Variants in PCBP2 observed in about 807,000 individuals in gnomAD.
PCBP2 encodes the protein poly(rC) binding protein 2, also known as poly(rC)-binding protein 2.
Under a neutral mutation model 50.1 loss-of-function variants are expected in PCBP2, and 4 were observed. The observed-to-expected ratio is 0.08, with a 90% CI of 0.04 to 0.18. The LOEUF is 0.18. PCBP2 is among the 10% of genes least tolerant of loss of function. The pLI, the probability that PCBP2 is intolerant of heterozygous loss-of-function variation, is 1.00. For synonymous variants in PCBP2, 179 were observed against 168.0 expected, an observed-to-expected ratio of 1.07 and a Z score of -0.51; for missense variants, 161 against 474.3, an observed-to-expected ratio of 0.34 and a Z score of 6.14.
intron 14 of PCBP2, among the ~76,000 whole-genome samples, chr12:53,478,815 G>A (rs115667373): frequency 0.012 from 1,893 of 152,048 alleles, 29 homozygotes; most frequent in African/African-American, 0.043. Flanking sequence ...CAATAAATAA[G>A]TAAATCTGAG....
chr12:53,472,143 T>C (rs1037956697), intron 14 of PCBP2, among the ~76,000 whole-genome samples: 8 of 152,116 alleles, frequency 5.3e-5, no homozygotes, highest in African/African-American at 1.9e-4. Context: ...ACATAGCATA[T>C]AGACTACTAT....
chr12:53,464,398 T>C (rs784566), intron 8 of PCBP2: 131,030 of 200,390 alleles, frequency 0.65, 43,513 homozygotes, highest in Non-Finnish European at 0.69. Context: ...TGTCATGGAT[T>C]GTTCCCACAG....
In PCBP2 at chr12:53,467,265, C is replaced by T; in HGVS notation, c.759C>T (p.Pro253=). The change falls in exon 11 of 15, where the codon CCC becomes CCT. Residue 253 remains proline, a synonymous_variant. Coordinates refer to ENST00000546463, the MANE Select transcript of PCBP2 (RefSeq NM_031989.5). ...HQLAMQQSHF[P]MTHGNTGFSG... ...TGGCAATGCAACAGTCTCATTTTCC[C>T]ATGACGCATGGCAACACCGGATTCA... 2 of 1,614,060 alleles carry T rather than the reference C, an allele frequency of 1.2e-6. No individual in the cohort carries two copies. Among genetic ancestry groups the T allele is most frequent in the East Asian group, 4.5e-5 (2 of 44,888 alleles).
At position 53,462,516 on chromosome 12, in the gene PCBP2, C is replaced by T; in HGVS notation, c.528C>T (p.Ile176=). The T allele has an allele frequency of 1.2e-6, 2 of 1,613,332 alleles. No homozygotes were observed. The highest frequency in any genetic ancestry group is 1.1e-5 in the South Asian group (1 of 91,012). ...MLESPPKGVT[I]PYRPKPSSSP... Reference sequence around the variant, plus strand: ...AGTCCCCCCCGAAGGGCGTGACCATCCCGTACCGGCCCAAGCCGTCCAGCT... The same window carrying T: ...AGTCCCCCCCGAAGGGCGTGACCATTCCGTACCGGCCCAAGCCGTCCAGCT... The change falls in exon 8 of 15, where the codon ATC becomes ATT. Residue 176 remains isoleucine (I), a synonymous_variant. Coordinates refer to ENST00000546463, the MANE Select transcript of PCBP2 (RefSeq NM_031989.5).
intron 5 of PCBP2, among the ~76,000 whole-genome samples, chr12:53,458,251 A>G (rs1941189671): frequency 6.6e-6 from 1 of 151,124 alleles, no homozygotes. Context: ...CTAACAGGGT[A>G]GAATTGATGT....
chr12:53,459,453 T>C (rs1941282995), intron 6 of PCBP2, 50 bp downstream of exon 6: 1 of 1,563,000 alleles, frequency 6.4e-7, no homozygotes, highest in Non-Finnish European at 8.7e-7. Context: ...TTGTTCCAAA[T>C]TGGCTCTTTG....
At chr12:53,469,760 CTTTTTTTT>C (rs71444805) in intron 13 of PCBP2, among the ~76,000 whole-genome samples, 6 of 114,172 alleles carry the variant, frequency 5.3e-5, no homozygotes, top group Non-Finnish European at 6.9e-5. Context: ...ACATTTGCTG[CTTTTTTTT>C]TTTTTTTTTT....
Position 53,459,423 on chromosome 12 carries a change from CTTTT to C in PCBP2, c.375+21_375+24del, listed in dbSNP as rs1941278709. 1.9e-6 allele frequency: 3 copies of C among 1,598,422 alleles called. No homozygotes were observed. Among genetic ancestry groups the C allele is most frequent in the Non-Finnish European group, 2.6e-6 (3 of 1,170,824 alleles). On this transcript the variant is annotated intron_variant, in intron 6 of 14. Transcript: ENST00000546463. ...CGAGAGGTTAGTGACTTTTGTCGTC[CTTTT>C]AGAAATGTTAACTATTTGTTCCAAA...
chr12:53,479,452 G>C lies in PCBP2; in HGVS notation c.*10G>C, dbSNP rs756411445. On this transcript the variant is annotated 3_prime_UTR_variant, in exon 15 of 15. Transcript: ENST00000546463. ...CATGGGGAGCAGCTAGAACAATGCAGATTCATCCATAATCCCTTTCTGCTG... is the reference window on the plus strand; with the variant it reads ...CATGGGGAGCAGCTAGAACAATGCACATTCATCCATAATCCCTTTCTGCTG... The C allele has an allele frequency of 7.8e-5, 126 of 1,612,600 alleles. No homozygotes were observed. The highest frequency in any genetic ancestry group is 8.9e-5 in the East Asian group (4 of 44,888).
At chr12:53,454,911 G>A in intron 2 of PCBP2, 42 bp downstream of exon 2, 1 of 1,528,316 alleles carries the variant, frequency 6.5e-7, no homozygotes, top group South Asian at 1.1e-5. Flanking sequence ...TAACTGCTAG[G>A]GGAGGGGCCA....
At chr12:53,466,540 T>C (rs955675618) in intron 10 of PCBP2, among the ~76,000 whole-genome samples, 3 of 152,228 alleles carry the variant, frequency 2.0e-5, no homozygotes, top group African/African-American at 7.2e-5. Flanking sequence ...GGCATTTTTT[T>C]CTGCACTTTT....
intron 13 of PCBP2, among the ~76,000 whole-genome samples, chr12:53,469,778 T>TC (rs1452345318): frequency 6.6e-6 from 1 of 150,592 alleles, no homozygotes; most frequent in Non-Finnish European, 1.5e-5. Context: ...TTTTTTTTTT[T>TC]TGAGACGGCA....
At chr12:53,465,873 C>G (rs963402880) in intron 9 of PCBP2, 59 bp from the exon 10 acceptor site, 10 of 1,367,306 alleles carry the variant, frequency 7.3e-6, no homozygotes, top group Non-Finnish European at 1.0e-5. Flanking sequence ...TCTTTTTCCC[C>G]CCACTGGGTG....
At chr12:53,452,844 C>G (rs957425100) in intron 1 of PCBP2, 1 of 151,810 alleles carries the variant, frequency 6.6e-6, no homozygotes, top group Non-Finnish European at 1.5e-5. Context: ...CCCCCTCTTT[C>G]TAGTCGAGGG....
chr12:53,468,951 G>C (rs1385691687), intron 13 of PCBP2, 119 bp downstream of exon 13: 8 of 718,006 alleles, frequency 1.1e-5, no homozygotes, highest in Non-Finnish European at 1.6e-5. Flanking sequence ...AGCCCAGGCT[G>C]TAGTGCAGTG....
intron 6 of PCBP2, 134 bp downstream of exon 6, chr12:53,459,537 T>G (rs1941290051): frequency 1.6e-6 from 1 of 620,156 alleles, no homozygotes; most frequent in Non-Finnish European, 2.6e-6. Context: ...ACAATGTGAT[T>G]GTACTGAAAA....
intron 1 of PCBP2, chr12:53,453,016 C>G (rs1157829121): frequency 6.6e-6 from 1 of 151,954 alleles, no homozygotes; most frequent in Non-Finnish European, 1.5e-5. Flanking sequence ...CCGATGTAAT[C>G]CCAGACCGAG....
intron 14 of PCBP2, among the ~76,000 whole-genome samples, chr12:53,478,313 G>C (rs965077320): frequency 6.6e-6 from 1 of 152,128 alleles, no homozygotes; most frequent in Non-Finnish European, 1.5e-5. Context: ...TTTGAGACCA[G>C]CCTGGCCAAC....
intron 7 of PCBP2, 124 bp downstream of exon 7, chr12:53,461,267 A>G: frequency 9.3e-7 from 1 of 1,072,190 alleles, no homozygotes. Context: ...GGTGGGGCTA[A>G]AAGGTTCCCT....
Sources: allele counts gnomAD v4.1 joint callset (sites outside exome capture counted in the v4.1 genomes callset), GRCh38; gene constraint gnomAD v4.1.1; transcripts MANE v1.5; gene names NCBI Gene and HGNC (gene_info 2026-07-23, HGNC 2026-07-21).